The following TMEM132B variants were observed in gnomAD, a reference collection of about 807,000 sequenced individuals.
TMEM132B encodes the protein transmembrane protein 132B.
Under a neutral mutation model 90.8 loss-of-function variants are expected in TMEM132B, and 18 were observed. The ratio of observed to expected loss-of-function variants is 0.20; its 90% CI spans 0.14 to 0.29. The LOEUF (loss-of-function observed/expected upper bound fraction) is 0.29. Ranked by LOEUF, TMEM132B falls within the 10% of genes least tolerant of loss-of-function variation. The probability of loss-of-function intolerance (pLI) is 1.00; values close to 1 mark genes in which losing one functional copy is unlikely to be tolerated. For synonymous variants in TMEM132B, 504 were observed against 523.3 expected, an observed-to-expected ratio of 0.96 and a Z score of 0.50; for missense variants, 1,096 against 1,326.8, an observed-to-expected ratio of 0.83 and a Z score of 2.70.
intron 3 of TMEM132B, among the ~76,000 whole-genome samples, chr12:125,475,208 A>G (rs1765457137): frequency 1.3e-5 from 2 of 152,204 alleles, no homozygotes; most frequent in Admixed American, 6.5e-5. Flanking sequence ...CCTGACTCGC[A>G]AACAATCAAT....
At chr12:125,579,872 T>C (rs1044607299) in intron 4 of TMEM132B, among the ~76,000 whole-genome samples, 6 of 152,204 alleles carry the variant, frequency 3.9e-5, no homozygotes, top group African/African-American at 1.4e-4. Flanking sequence ...AAGCTGGACA[T>C]TTAAAATAAT....
chr12:125,515,433 A>ACT (rs145621535), intron 3 of TMEM132B, among the ~76,000 whole-genome samples: 1,969 of 151,360 alleles, frequency 0.013, 36 homozygotes, highest in African/African-American at 0.045. Flanking sequence ...ACACTCTCAC[A>ACT]CATACACACA....
At chr12:125,576,529 G>C (rs1884945264) in intron 4 of TMEM132B, among the ~76,000 whole-genome samples, 1 of 147,740 alleles carries the variant, frequency 6.8e-6, no homozygotes, top group Admixed American at 6.8e-5. Context: ...AGTGGTGAGA[G>C]TCATCTTTGT....
chr12:125,532,290 C>T (rs574938975), intron 4 of TMEM132B, among the ~76,000 whole-genome samples: 58 of 152,290 alleles, frequency 3.8e-4, no homozygotes, highest in Admixed American at 9.8e-4. Flanking sequence ...GCTTCAGCGG[C>T]AGGGATGAGA....
In TMEM132B at chr12:125,349,123, G is replaced by T. The variant is rs1877464514; in HGVS notation, c.68-329G>T. On this transcript the variant is annotated intron_variant, in intron 1 of 8. Transcript: ENST00000682704. The surrounding 1 kb of genome is among the most constrained non-coding windows in gnomAD (Gnocchi z 4.1). ...AGGTACGCAACCTTTTATCTGTGGG[G>T]TAGATGAACAACGATGACCATGATC... Among the ~76,000 whole-genome samples the T allele has an allele frequency of 6.6e-6, 1 of 152,198 alleles. No individual in the cohort carries two copies. The highest frequency in any genetic ancestry group is 2.4e-5 in the African/African-American group (1 of 41,458).
intron 1 of TMEM132B, among the ~76,000 whole-genome samples, chr12:125,296,798 A>T (rs577566165): frequency 6.6e-6 from 1 of 152,320 alleles, no homozygotes; most frequent in South Asian, 2.1e-4. Context: ...AACTGGGACC[A>T]GGCTGTCTGG....
At chr12:125,574,197 C>A (rs1203952702) in intron 4 of TMEM132B, among the ~76,000 whole-genome samples, 1 of 151,566 alleles carries the variant, frequency 6.6e-6, no homozygotes, top group Non-Finnish European at 1.5e-5. Context: ...TCAGAGATTC[C>A]TTATTTCCTA....
intron 1 of TMEM132B, among the ~76,000 whole-genome samples, chr12:125,193,681 G>T (rs747935003): frequency 2.0e-5 from 3 of 152,204 alleles, no homozygotes; most frequent in Non-Finnish European, 4.4e-5. Context: ...TTTGCAGAGT[G>T]CCTGGCACAC....
chr12:125,310,695 G>T (rs1455677259), intron 1 of TMEM132B, among the ~76,000 whole-genome samples: 1 of 152,154 alleles, frequency 6.6e-6, no homozygotes, highest in Admixed American at 6.5e-5. Flanking sequence ...CATGGCAACC[G>T]TAGCCAGCCA....
At chr12:125,191,358 ACT>A (rs1162205689) in intron 1 of TMEM132B, among the ~76,000 whole-genome samples, 2 of 151,996 alleles carry the variant, frequency 1.3e-5, no homozygotes, top group African/African-American at 4.8e-5. Context: ...GCAAGTGGAC[ACT>A]CTCATTATTC....
chr12:125,323,966 G>C (rs922958534), intron 1 of TMEM132B, among the ~76,000 whole-genome samples: 14 of 152,120 alleles, frequency 9.2e-5, no homozygotes, highest in African/African-American at 3.4e-4. Context: ...ATAAGCCAGA[G>C]AGCTCCGACC....
intron 4 of TMEM132B, among the ~76,000 whole-genome samples, chr12:125,522,575 G>A (rs1883335015): frequency 6.6e-6 from 1 of 152,252 alleles, no homozygotes; most frequent in Admixed American, 6.5e-5. Context: ...CTCGAGTAGA[G>A]CTTGATGGGA....
intron 5 of TMEM132B, among the ~76,000 whole-genome samples, chr12:125,606,704 G>T (rs1333800783): frequency 6.6e-6 from 1 of 152,120 alleles, no homozygotes; most frequent in Non-Finnish European, 1.5e-5. Flanking sequence ...ATCAGAAGTG[G>T]GTCTTCTCTT....
intron 3 of TMEM132B, among the ~76,000 whole-genome samples, chr12:125,455,007 G>T (rs1881254207): frequency 6.6e-6 from 1 of 152,154 alleles, no homozygotes; most frequent in Non-Finnish European, 1.5e-5. Context: ...TGAACAGAAG[G>T]TGCTCTATGT....
At chr12:125,557,578 G>C (rs766789125) in intron 4 of TMEM132B, among the ~76,000 whole-genome samples, 1 of 152,136 alleles carries the variant, frequency 6.6e-6, no homozygotes, top group Non-Finnish European at 1.5e-5. Context: ...CTGTGCTTTT[G>C]TTTAGTAGGA....
At chr12:125,560,310 G>C (rs1452747644) in intron 4 of TMEM132B, among the ~76,000 whole-genome samples, 1 of 152,220 alleles carries the variant, frequency 6.6e-6, no homozygotes, top group East Asian at 1.9e-4. Context: ...CCAAGAGAGA[G>C]CAGATCTGGG....
intron 5 of TMEM132B, chr12:125,587,695 C>T (rs1324211022): frequency 6.6e-6 from 1 of 152,124 alleles, no homozygotes; most frequent in African/African-American, 2.4e-5. Context: ...ACTTGTGCTC[C>T]TAGTTTTTGA....
intron 1 of TMEM132B, among the ~76,000 whole-genome samples, chr12:125,190,652 A>G (rs1334394913): frequency 6.3e-4 from 12 of 19,018 alleles, no homozygotes; most frequent in Non-Finnish European, 8.5e-4. Context: ...AGGGGTGGCG[A>G]TGGTGATGGG....
intron 3 of TMEM132B, among the ~76,000 whole-genome samples, chr12:125,465,833 G>A (rs749236338): frequency 1.3e-5 from 2 of 152,104 alleles, no homozygotes; most frequent in African/African-American, 4.8e-5. Flanking sequence ...ATGAGATTTG[G>A]TTGTTTAAAA....
Sources: allele counts gnomAD v4.1 joint callset (sites outside exome capture counted in the v4.1 genomes callset), GRCh38; gene constraint gnomAD v4.1.1; non-coding constraint Gnocchi (gnomAD v3.1); transcripts MANE v1.5; gene names NCBI Gene and HGNC (gene_info 2026-07-23, HGNC 2026-07-21).